The following NCAM2 variants were observed in gnomAD, a reference collection of about 807,000 sequenced individuals.
The protein encoded by NCAM2 is neural cell adhesion molecule 2, also known as N-CAM-2.
NCAM2 carries 30 observed loss-of-function variants against 98.1 expected under a neutral mutation model. The ratio of observed to expected loss-of-function variants is 0.31; its 90% CI spans 0.23 to 0.41. The LOEUF (loss-of-function observed/expected upper bound fraction) is 0.41, where lower values mean the gene tolerates loss of function less well. NCAM2 is among the 10% of genes least tolerant of loss of function. The pLI, the probability that NCAM2 is intolerant of heterozygous loss-of-function variation, is 1.00. For missense variants in NCAM2, 867 were observed against 1,005.8 expected, an observed-to-expected ratio of 0.86 and a Z score of 1.87; for synonymous variants, 368 against 342.4, an observed-to-expected ratio of 1.07 and a Z score of -0.83.
intron 1 of NCAM2, among the ~76,000 whole-genome samples, chr21:21,203,424 C>T (rs540757552): frequency 6.6e-6 from 1 of 152,168 alleles, no homozygotes; most frequent in South Asian, 2.1e-4. Flanking sequence ...CCAGACTTTC[C>T]ACACCTGGAT....
intron 15 of NCAM2, among the ~76,000 whole-genome samples, chr21:21,483,916 T>C (rs1475232376): frequency 1.3e-5 from 2 of 152,270 alleles, no homozygotes; most frequent in East Asian, 3.9e-4. Flanking sequence ...TATGCAATTT[T>C]CACTTATATT....
At chr21:21,359,694 C>A (rs1430123255) in intron 8 of NCAM2, among the ~76,000 whole-genome samples, 1 of 151,758 alleles carries the variant, frequency 6.6e-6, no homozygotes, top group Non-Finnish European at 1.5e-5. Flanking sequence ...ATATTATTTT[C>A]TTCTTATAAA....
At chr21:21,193,492 C>CTTT (rs768928139) in intron 1 of NCAM2, among the ~76,000 whole-genome samples, 55 of 123,772 alleles carry the variant, frequency 4.4e-4, no homozygotes, top group Admixed American at 7.4e-4. Context: ...AGTACTTTTC[C>CTTT]TTTTTTTTTT....
At chr21:21,425,541 T>A (rs568775170) in intron 11 of NCAM2, among the ~76,000 whole-genome samples, 1 of 152,186 alleles carries the variant, frequency 6.6e-6, no homozygotes, top group East Asian at 1.9e-4. Flanking sequence ...CATTGATATC[T>A]TGGTAGTGAA....
At chr21:21,130,938 G>A (rs187302817) in intron 1 of NCAM2, among the ~76,000 whole-genome samples, 92 of 152,180 alleles carry the variant, frequency 6.0e-4, no homozygotes, top group African/African-American at 2.1e-3. Flanking sequence ...CAGGTATAAC[G>A]TGATCAACGT....
intron 1 of NCAM2, among the ~76,000 whole-genome samples, chr21:21,253,816 A>G (rs1469177971): frequency 6.6e-6 from 1 of 152,188 alleles, no homozygotes; most frequent in African/African-American, 2.4e-5. Context: ...GAAATCGCTT[A>G]AACACTTGAG....
chr21:21,143,493 A>C (rs1216068162), intron 1 of NCAM2, among the ~76,000 whole-genome samples: 2 of 152,110 alleles, frequency 1.3e-5, no homozygotes, highest in Admixed American at 6.5e-5. Context: ...CAGTTTTAAA[A>C]GGTTTTCCCT....
At chr21:21,392,792 G>A (rs1281511787) in intron 9 of NCAM2, among the ~76,000 whole-genome samples, 4 of 152,050 alleles carry the variant, frequency 2.6e-5, no homozygotes, top group African/African-American at 9.7e-5. Flanking sequence ...ACTTTTTAAT[G>A]GGGTTGGTTT....
chr21:21,517,043 A>G (rs1446668133), intron 16 of NCAM2, among the ~76,000 whole-genome samples: 2 of 152,208 alleles, frequency 1.3e-5, no homozygotes, highest in East Asian at 3.8e-4. Flanking sequence ...CTATTTCTAA[A>G]CAAAATGGCA....
chr21:21,062,499 G>GTGT (rs2146333001), intron 1 of NCAM2, among the ~76,000 whole-genome samples: 1 of 152,322 alleles, frequency 6.6e-6, no homozygotes, highest in East Asian at 1.9e-4. Context: ...TCAGAGCCAT[G>GTGT]TGTTAGGCAC....
Position 21,207,834 on chromosome 21 carries a change from A to T in NCAM2, c.56-72744A>T, listed in dbSNP as rs576895892. ...ATGCATAAAAATTGGCTGACCACTA[A>T]ATATTACACTTGAATGTAAACTGCA... On this transcript the variant is annotated intron_variant, in intron 1 of 17. Coordinates refer to ENST00000400546, the MANE Select transcript of NCAM2 (RefSeq NM_004540.5). Among the ~76,000 whole-genome samples, 45 of 152,280 alleles carry T rather than the reference A, an allele frequency of 3.0e-4. 1 individual carries two copies. In the South Asian group the frequency reaches 5.6e-3, roughly 19 times the overall value.
chr21:21,430,184 A>G (rs2077301201), intron 11 of NCAM2, among the ~76,000 whole-genome samples: 1 of 151,464 alleles, frequency 6.6e-6, no homozygotes, highest in South Asian at 2.1e-4. Context: ...ACACTCCACT[A>G]CACCCGGCTG....
chr21:21,142,839 G>A (rs1044364845), intron 1 of NCAM2, among the ~76,000 whole-genome samples: 1 of 152,090 alleles, frequency 6.6e-6, no homozygotes, highest in South Asian at 2.1e-4. Context: ...ATAATTAAAT[G>A]TAAAGTATTC....
intron 1 of NCAM2, among the ~76,000 whole-genome samples, chr21:21,221,354 TTC>T (rs370838438): frequency 1 from 152,239 of 152,244 alleles, 76,117 homozygotes; most frequent in Non-Finnish European, 1. Flanking sequence ...ACAGAAGTGA[TTC>T]TCACCCAAAT....
At chr21:21,304,328 A>AT (rs5842915) in intron 5 of NCAM2, among the ~76,000 whole-genome samples, 39 of 150,436 alleles carry the variant, frequency 2.6e-4, no homozygotes, top group African/African-American at 6.3e-4. Flanking sequence ...GGTTTGTTGT[A>AT]TTTTTTTTTT....
chr21:21,054,537 A>G (rs1181621043), intron 1 of NCAM2, among the ~76,000 whole-genome samples: 1 of 152,038 alleles, frequency 6.6e-6, no homozygotes, highest in Non-Finnish European at 1.5e-5. Context: ...ATATCTATCA[A>G]GATGTATTGC....
chr21:21,160,401 AT>A (rs2067746518), intron 1 of NCAM2, among the ~76,000 whole-genome samples: 1 of 151,958 alleles, frequency 6.6e-6, no homozygotes, highest in Non-Finnish European at 1.5e-5. Flanking sequence ...TACCAATTAG[AT>A]TTCTAGTGAG....
At chr21:21,342,440 G>A (rs1317336746) in intron 8 of NCAM2, among the ~76,000 whole-genome samples, 3 of 152,160 alleles carry the variant, frequency 2.0e-5, no homozygotes, top group South Asian at 2.1e-4. Context: ...TTAAGTGGCT[G>A]GAATTCAGTC....
At chr21:21,027,198 A>G (rs929907141) in intron 1 of NCAM2, among the ~76,000 whole-genome samples, 1 of 152,194 alleles carries the variant, frequency 6.6e-6, no homozygotes, top group African/African-American at 2.4e-5. Flanking sequence ...TTAATTGACT[A>G]CATGCAGTAT....
Sources: gnomAD v4.1 joint callset for allele counts (sites outside exome capture counted in the v4.1 genomes callset) on GRCh38, gnomAD v4.1.1 for gene constraint, MANE v1.5 for transcripts, NCBI Gene and HGNC (gene_info 2026-07-23, HGNC 2026-07-21) for gene names.